LHX5: variants seen among roughly 807,000 people sequenced by gnomAD.
The protein encoded by LHX5 is LIM homeobox 5, also known as LIM/homeobox protein Lhx5.
A neutral mutation model predicts 30.6 loss-of-function variants in LHX5; 5 were observed. That is an observed-to-expected ratio of 0.16 (90% CI 0.09 to 0.34). LHX5 has a LOEUF of 0.34. LHX5 is among the 10% of genes least tolerant of loss of function. The pLI, the probability that LHX5 is intolerant of heterozygous loss-of-function variation, is 1.00. For synonymous variants in LHX5, 266 were observed against 252.6 expected, an observed-to-expected ratio of 1.05 and a Z score of -0.50; for missense variants, 458 against 570.6, an observed-to-expected ratio of 0.80 and a Z score of 2.01.
chr12:113,468,445 G>A (rs374616458), intron 2 of LHX5, 41 bp from the exon 3 acceptor site: 43 of 1,562,554 alleles, frequency 2.8e-5, no homozygotes, highest in Non-Finnish European at 3.6e-5. Context: ...CGGCGTCAGC[G>A]ACGGCCAGAC....
At chr12:113,470,452 G>A (rs1021754909) in intron 1 of LHX5, among the ~76,000 whole-genome samples, 1 of 152,224 alleles carries the variant, frequency 6.6e-6, no homozygotes, top group Non-Finnish European at 1.5e-5. Context: ...ACGTGTAAAG[G>A]AGCGGCTGAC....
chr12:113,468,344 G>A lies in LHX5; in HGVS notation c.458C>T (p.Pro153Leu). 6.2e-7 allele frequency: 1 copy of A among 1,614,140 alleles called. No homozygotes were observed. The highest frequency in any genetic ancestry group is 8.5e-7 in the Non-Finnish European group (1 of 1,179,970). ...CGAGGTCGAGTTGTCCGTCTCTTTG[G>A]GGTCGTCCTGCAGTGCGTCCTGGAG... ...PDLQDALQDD[P>L]KETDNSTSSD... The change falls in exon 3 of 5, where the codon CCC becomes CTC. Residue 153 changes from proline to leucine, a missense_variant. Coordinates refer to ENST00000261731, the MANE Select transcript of LHX5 (RefSeq NM_022363.3).
Position 113,466,958 on chromosome 12 carries a change from G to C in LHX5, c.841+298C>G, listed in dbSNP as rs929408452. ...TTTACCTATACGTGATCGTGCGATC[G>C]TGTCTAGACGTGTGTCCCTGGAGTC... On this transcript the variant is annotated intron_variant, in intron 4 of 4. Coordinates refer to ENST00000261731, the MANE Select transcript of LHX5 (RefSeq NM_022363.3). The surrounding 1 kb of genome is among the most constrained non-coding windows in gnomAD (Gnocchi z 6.5). Among the ~76,000 whole-genome samples the C allele has an allele frequency of 5.9e-5, 9 of 152,026 alleles. No individual in the cohort carries two copies. Among genetic ancestry groups the C allele is most frequent in the Admixed American group, 3.3e-4 (5 of 15,246 alleles).
intron 1 of LHX5, among the ~76,000 whole-genome samples, chr12:113,471,037 G>A (rs949315895): frequency 1.3e-5 from 2 of 152,330 alleles, no homozygotes; most frequent in South Asian, 2.1e-4. Flanking sequence ...TGGAAGGGGC[G>A]GAGAGGAGTG....
In LHX5 at chr12:113,463,303, C is replaced by G. The variant is rs1355561414; in HGVS notation, c.1096G>C (p.Gly366Arg). ...CTGGGCCCGCCGCTGAATACCTCGC[C>G]GGGCATGGGGTGCAGCGTGCCCGGC... ...GLPGTLHPMP[G>R]EVFSGGPSPP... Residue 366 changes from glycine to arginine, a missense_variant, in exon 5 of 5, where the codon GGC (glycine) becomes CGC (arginine). This residue lies in a region of LHX5 where 255 missense variants were observed against 246.8 expected (regional missense o/e 1.03). Coordinates refer to ENST00000261731, the MANE Select transcript of LHX5 (RefSeq NM_022363.3). The surrounding 1 kb of genome is among the most constrained non-coding windows in gnomAD (Gnocchi z 6.7). 1.3e-5 allele frequency: 20 copies of G among 1,529,686 alleles called. No individual in the cohort carries two copies. Among genetic ancestry groups the G allele is most frequent in the Non-Finnish European group, 1.5e-5 (17 of 1,141,224 alleles). The allele number at this position is 1,529,686 out of a possible 1,614,324, so 94.8% of individuals were successfully genotyped here.
In LHX5 at chr12:113,467,473, C is replaced by G. The variant is rs777097571; in HGVS notation, c.676-52G>C. ...CCAGGATCAGGAGTGTCCTCTCCCC[C>G]CCTCTTCTCCCTTCCCTGACTGGGC... On this transcript the variant is annotated intron_variant, in intron 3 of 4. Coordinates refer to ENST00000261731, the MANE Select transcript of LHX5 (RefSeq NM_022363.3). The surrounding 1 kb of genome is among the most constrained non-coding windows in gnomAD (Gnocchi z 6.3). The G allele has an allele frequency of 5.3e-5, 73 of 1,371,284 alleles. No homozygotes were observed. The highest frequency in any genetic ancestry group is 6.0e-5 in the Non-Finnish European group (63 of 1,045,332). The allele number at this position is 1,371,284 out of a possible 1,614,324, so 84.9% of individuals were successfully genotyped here.
In LHX5 at chr12:113,467,561, G is replaced by T; in HGVS notation, c.676-140C>A. The T allele has an allele frequency of 1.2e-6, 1 of 819,116 alleles. No homozygotes were observed. Among genetic ancestry groups the T allele is most frequent in the Non-Finnish European group, 1.8e-6 (1 of 569,084 alleles). 50.7% of individuals were successfully genotyped at this position (819,116 alleles called of 1,614,324 possible). ...ACTCCCCCGAGGCGGGGCCGGGCCGGATTAGGCCGGGAGGGGTGGAGAGAG... is the reference window on the plus strand; with the variant it reads ...ACTCCCCCGAGGCGGGGCCGGGCCGTATTAGGCCGGGAGGGGTGGAGAGAG... On this transcript the variant is annotated intron_variant, in intron 3 of 4. Transcript: ENST00000261731. The surrounding 1 kb of genome is among the most constrained non-coding windows in gnomAD (Gnocchi z 6.3).
rs956737433 is a variant in LHX5 at position 113,465,141 on chromosome 12, G to T, written c.842-1584C>A. 6.6e-6 allele frequency among the ~76,000 whole-genome samples: 1 copy of T among 152,198 alleles called. No homozygotes were observed. The highest frequency in any genetic ancestry group is 2.4e-5 in the African/African-American group (1 of 41,460). On this transcript the variant is annotated intron_variant, in intron 4 of 4. Coordinates refer to ENST00000261731, the MANE Select transcript of LHX5 (RefSeq NM_022363.3). This position sits in a 1 kb window ranked among gnomAD's most constrained non-coding sequence, Gnocchi z 6.7. Reference sequence around the variant, plus strand: ...CCAAACCCTGAAATCTGTCCAAATGGGGGGTGTCTGGAGGCGTGGCTTGGA... The same window carrying T: ...CCAAACCCTGAAATCTGTCCAAATGTGGGGTGTCTGGAGGCGTGGCTTGGA...
rs1330814155 is a variant in LHX5, at chr12:113,469,182, A to C, written c.337T>G (p.Phe113Val). ...EELYVIDENK[F>V]VCKDDYLSSS... ...CTCAGGTAGTCGTCTTTGCACACGA[A>C]CTTGTTCTCGTCGATGACGTAGAGC... is the stretch of plus-strand genomic sequence containing the variant. Residue 113 changes from phenylalanine to valine, a missense_variant, in exon 2 of 5, where the codon TTC (phenylalanine) becomes GTC (valine). This residue lies in a region of LHX5 where 178 missense variants were observed against 238.5 expected (regional missense o/e 0.75). Transcript: ENST00000261731. 2.5e-6 allele frequency: 4 copies of C among 1,614,200 alleles called. No homozygotes were observed. The highest frequency in any genetic ancestry group is 3.4e-6 in the Non-Finnish European group (4 of 1,180,026).
Position 113,466,908 on chromosome 12 carries a change from T to G in LHX5, c.841+348A>C, listed in dbSNP as rs943491539. Among the ~76,000 whole-genome samples, 54 of 151,992 alleles carry G rather than the reference T, an allele frequency of 3.6e-4. No individual in the cohort carries two copies. Among genetic ancestry groups the G allele is most frequent in the African/African-American group, 1.3e-3 (53 of 41,330 alleles). On this transcript the variant is annotated intron_variant, in intron 4 of 4. Transcript: ENST00000261731. The surrounding 1 kb of genome is among the most constrained non-coding windows in gnomAD (Gnocchi z 6.5). The stretch of plus-strand genomic sequence containing the variant: ...GTCTGTGGAGTTGTGTCTCCGTGAG[T>G]GTACCTGTGTGTGAGAGGGTGGAAT...
Position 113,463,972 on chromosome 12 carries a change from CAG to C in LHX5, c.842-417_842-416del, listed in dbSNP as rs1958195601. Among the ~76,000 whole-genome samples, 1 of 152,056 alleles carries C rather than the reference CAG, an allele frequency of 6.6e-6. No homozygotes were observed. The highest frequency in any genetic ancestry group is 1.5e-5 in the Non-Finnish European group (1 of 68,012). On this transcript the variant is annotated intron_variant, in intron 4 of 4. Transcript: ENST00000261731. This position sits in a 1 kb window ranked among gnomAD's most constrained non-coding sequence, Gnocchi z 6.7. Reference sequence around the variant, plus strand: ...AGTGTCTTAGGGTCGGTGAGAGACACAGAGATGCGGGACAGCGAGAGACAGAC... The same window carrying C: ...AGTGTCTTAGGGTCGGTGAGAGACACAGATGCGGGACAGCGAGAGACAGAC...
In LHX5 at chr12:113,463,046, GC is replaced by G. The variant is rs1244485667; in HGVS notation, c.*143del. The G allele has an allele frequency of 1.4e-6, 1 of 716,206 alleles. No individual in the cohort carries two copies. Among genetic ancestry groups the G allele is most frequent in the Non-Finnish European group, 2.1e-6 (1 of 472,216 alleles). 44.4% of individuals were successfully genotyped at this position (716,206 alleles called of 1,614,324 possible). ...CCCCTCGGCGCCCAGCCGAGGAGCAGCTGCCAGTTGAGTGCGGACCCGAGAG... is the reference window on the plus strand; with the variant it reads ...CCCCTCGGCGCCCAGCCGAGGAGCAGTGCCAGTTGAGTGCGGACCCGAGAG... On this transcript the variant is annotated 3_prime_UTR_variant, in exon 5 of 5. Coordinates refer to ENST00000261731, the MANE Select transcript of LHX5 (RefSeq NM_022363.3). The surrounding 1 kb of genome is among the most constrained non-coding windows in gnomAD (Gnocchi z 6.7).
At chr12:113,468,033 G>T (rs1958225411) in intron 3 of LHX5, 94 bp downstream of exon 3, 2 of 1,429,846 alleles carry the variant, frequency 1.4e-6, no homozygotes, top group East Asian at 2.5e-5. Context: ...AACCAGGCGC[G>T]CTCGTAGCCA....
rs1477405934 is a variant in LHX5 at position 113,466,350 on chromosome 12, G to GA, written c.841+905dup. ...TCAGGGTAAGGAGCTGAAAAAATCG[G>GA]ATAGGGGGAGTTGGGATGGCTCACC... On this transcript the variant is annotated intron_variant, in intron 4 of 4. Coordinates refer to ENST00000261731, the MANE Select transcript of LHX5 (RefSeq NM_022363.3). This position sits in a 1 kb window ranked among gnomAD's most constrained non-coding sequence, Gnocchi z 6.5. 3.3e-5 allele frequency among the ~76,000 whole-genome samples: 5 copies of GA among 152,194 alleles called. No homozygotes were observed. Among genetic ancestry groups the GA allele is most frequent in the Non-Finnish European group, 7.4e-5 (5 of 68,026 alleles).
At position 113,471,809 on chromosome 12, in the gene LHX5, C is replaced by T; in HGVS notation, c.-311G>A. On this transcript the variant is annotated 5_prime_UTR_variant, in exon 1 of 5. Transcript: ENST00000261731. ...CCTCGGCGCTGCGGAGCGGCTTTCC[C>T]CGGTGGCGGAGGCGCCGGCACTTTC... The T allele has an allele frequency of 2.7e-6, 1 of 367,612 alleles. No homozygotes were observed. Among genetic ancestry groups the T allele is most frequent in the Non-Finnish European group, 4.9e-6 (1 of 205,766 alleles). 22.8% of individuals were successfully genotyped at this position (367,612 alleles called of 1,614,324 possible). A position where few individuals can be genotyped will look rare whatever the true frequency, so the allele number is the denominator to read the frequency against.
chr12:113,464,292 C>G lies in LHX5; in HGVS notation c.842-735G>C, dbSNP rs372063791. Among the ~76,000 whole-genome samples the G allele has an allele frequency of 6.6e-6, 1 of 152,104 alleles. No homozygotes were observed. The highest frequency in any genetic ancestry group is 1.5e-5 in the Non-Finnish European group (1 of 68,008). Reference sequence around the variant, plus strand: ...CCAGAGAAGCGGAGGCTGACAGGCCCGGGGAGAGGAACCGGGCAGGGACAA... The same window carrying G: ...CCAGAGAAGCGGAGGCTGACAGGCCGGGGGAGAGGAACCGGGCAGGGACAA... On this transcript the variant is annotated intron_variant, in intron 4 of 4. Coordinates refer to ENST00000261731, the MANE Select transcript of LHX5 (RefSeq NM_022363.3). This position sits in a 1 kb window ranked among gnomAD's most constrained non-coding sequence, Gnocchi z 6.2.
rs1958223445 is a variant in LHX5, at chr12:113,467,685, G to C, written c.676-264C>G. On this transcript the variant is annotated intron_variant, in intron 3 of 4. Transcript: ENST00000261731. The surrounding 1 kb of genome is among the most constrained non-coding windows in gnomAD (Gnocchi z 6.3). Reference sequence around the variant, plus strand: ...GTCCCCGGCTCGCCCGCGGCCTGACGGCTCTATAAAGGCCTCCCTCCCGGC... The same window carrying C: ...GTCCCCGGCTCGCCCGCGGCCTGACCGCTCTATAAAGGCCTCCCTCCCGGC... 6.6e-6 allele frequency among the ~76,000 whole-genome samples: 1 copy of C among 152,212 alleles called. No individual in the cohort carries two copies.
chr12:113,463,113 G>C lies in LHX5; in HGVS notation c.*77C>G. 4.0e-6 allele frequency: 5 copies of C among 1,253,876 alleles called. No homozygotes were observed. Among genetic ancestry groups the C allele is most frequent in the Non-Finnish European group, 5.3e-6 (5 of 943,412 alleles). 77.7% of individuals were successfully genotyped at this position (1,253,876 alleles called of 1,614,324 possible). On this transcript the variant is annotated 3_prime_UTR_variant, in exon 5 of 5. Coordinates refer to ENST00000261731, the MANE Select transcript of LHX5 (RefSeq NM_022363.3). This position sits in a 1 kb window ranked among gnomAD's most constrained non-coding sequence, Gnocchi z 6.7. ...CACCCACGTCTCCCACCGCGTCTGC[G>C]TCGGGCGTTTTGGTTTCAGGAGGCT...
intron 1 of LHX5, among the ~76,000 whole-genome samples, chr12:113,469,553 A>T (rs1311750110): frequency 1.3e-5 from 2 of 152,220 alleles, no homozygotes; most frequent in African/African-American, 4.8e-5. Context: ...CCATGCCTCC[A>T]CTGGGGCTTT....
Sources: allele counts gnomAD v4.1 joint callset (sites outside exome capture counted in the v4.1 genomes callset), GRCh38; gene constraint gnomAD v4.1.1; regional missense constraint gnomAD v4.1.1; non-coding constraint Gnocchi (gnomAD v3.1); transcripts MANE v1.5; gene names NCBI Gene and HGNC (gene_info 2026-07-23, HGNC 2026-07-21).